The following USP40 variants were observed in gnomAD, a reference collection of about 807,000 sequenced individuals.
The protein encoded by USP40 is ubiquitin carboxyl-terminal hydrolase 40.
In USP40, 143 loss-of-function variants were observed where a neutral mutation model predicts 166.2. The observed-to-expected ratio is 0.86, with a 90% CI of 0.75 to 0.99. USP40 has a LOEUF of 0.99. Among genes scored for constraint, USP40 ranks in the 50% least tolerant of loss-of-function variants. USP40 has a pLI of 0.00. For synonymous variants in USP40, 498 were observed against 524.0 expected (o/e 0.95, Z 0.68); for missense variants, 1,444 against 1,479.7 (o/e 0.98, Z 0.40).
chr2:233,522,126 G>C (rs1575284121), intron 16 of USP40, among the ~76,000 whole-genome samples: 1 of 152,212 alleles, frequency 6.6e-6, no homozygotes, highest in South Asian at 2.1e-4. Context: ...ATTCAAGGCA[G>C]TTTATAAAGA....
At chr2:233,551,256 A>C (rs1267892268) in intron 7 of USP40, 120 bp downstream of exon 7, 29 of 1,133,478 alleles carry the variant, frequency 2.6e-5, no homozygotes, top group Middle Eastern at 3.0e-4. Flanking sequence ...AGTTTAACTG[A>C]AAATGTCAAT....
At chr2:233,512,672 C>T in intron 18 of USP40, 50 bp from the exon 19 acceptor site, 1 of 769,806 alleles carries the variant, frequency 1.3e-6, no homozygotes, top group Non-Finnish European at 1.8e-6. Context: ...GAATTAATAA[C>T]CTTCATCCTA....
chr2:233,566,293 G>A (rs1288710166), intron 1 of USP40, among the ~76,000 whole-genome samples: 1 of 152,174 alleles, frequency 6.6e-6, no homozygotes, highest in African/African-American at 2.4e-5. Flanking sequence ...TTCACATCGA[G>A]TGTGGCGGAG....
chr2:233,490,619 T>G (rs559277647), intron 26 of USP40, among the ~76,000 whole-genome samples: 1 of 152,370 alleles, frequency 6.6e-6, no homozygotes, highest in Non-Finnish European at 1.5e-5. Context: ...AGTAGGCGGA[T>G]GCTGCTTCAA....
intron 24 of USP40, among the ~76,000 whole-genome samples, chr2:233,495,606 T>C (rs2065699909): frequency 6.6e-6 from 1 of 151,984 alleles, no homozygotes; most frequent in South Asian, 2.1e-4. Flanking sequence ...TAACAAAAAA[T>C]GAGGTGGGAA....
At chr2:233,519,466 C>A in intron 18 of USP40, 148 bp downstream of exon 18, 1 of 564,302 alleles carries the variant, frequency 1.8e-6, no homozygotes, top group African/African-American at 1.9e-5. Context: ...CAAAAACAAA[C>A]ATATGACAAA....
chr2:233,540,569 T>G, intron 10 of USP40, 93 bp downstream of exon 10: 1 of 733,938 alleles, frequency 1.4e-6, no homozygotes, highest in Non-Finnish European at 2.2e-6. Flanking sequence ...TTTTCACCTA[T>G]TTTAAATATC....
chr2:233,523,340 G>C lies in USP40; in HGVS notation c.2031C>G (p.Val677=), dbSNP rs780234075. 6.2e-7 allele frequency: 1 copy of C among 1,614,008 alleles called. No individual in the cohort carries two copies. Among genetic ancestry groups the C allele is most frequent in the African/African-American group, 1.3e-5 (1 of 75,036 alleles). The change falls in exon 16 of 32, where the codon GTC becomes GTG. Residue 677 remains valine (V), a synonymous_variant. Transcript: ENST00000678225. The stretch of plus-strand genomic sequence containing the variant: ...CTGCTGGGATTGCTAAGGCTGTGAG[G>C]ACAGTGCCCACTTCTGCATTAGCTG... ...VFPANAEVGT[V]LTALAIPAGV...
intron 18 of USP40, among the ~76,000 whole-genome samples, chr2:233,514,076 C>T (rs2067011695): frequency 6.6e-6 from 1 of 152,224 alleles, no homozygotes; most frequent in Admixed American, 6.5e-5. Context: ...TTTTAAAATA[C>T]TGTCTCTTTA....
chr2:233,527,699 T>A (rs1229144402), intron 12 of USP40, 121 bp from the exon 13 acceptor site: 18 of 895,154 alleles, frequency 2.0e-5, no homozygotes, highest in Non-Finnish European at 2.9e-5. Context: ...TAACAATTTT[T>A]CTTCTATGTG....
chr2:233,478,495 T>C (rs1026772845), intron 31 of USP40, among the ~76,000 whole-genome samples: 17 of 152,238 alleles, frequency 1.1e-4, no homozygotes, highest in Admixed American at 1.0e-3. Context: ...TCATACCCTT[T>C]ACCTACATTT....
rs201372687 is a variant in USP40 at position 233,539,142 on chromosome 2, T to G, written c.1170+1520A>C. Among the ~76,000 whole-genome samples the G allele has an allele frequency of 2.0e-5, 3 of 149,332 alleles. No individual in the cohort carries two copies. The South Asian group carries it at 6.3e-4, about 31-fold the overall frequency. On this transcript the variant is annotated intron_variant, in intron 10 of 31. Transcript: ENST00000678225. ...AGCAAAAACTGTCAAAACTTTTTTTTAAAAAAATGAGACAAATCCACAATT... is the reference window on the plus strand; with the variant it reads ...AGCAAAAACTGTCAAAACTTTTTTTGAAAAAAATGAGACAAATCCACAATT...
chr2:233,510,512 C>T (rs767959484), intron 20 of USP40, among the ~76,000 whole-genome samples: 4 of 144,340 alleles, frequency 2.8e-5, no homozygotes, highest in Admixed American at 7.1e-5. Flanking sequence ...AAGCGATTCT[C>T]CTACCTCAGC....
chr2:233,485,841 G>T lies in USP40; in HGVS notation c.3334C>A (p.Arg1112Ser), dbSNP rs1048603. 6 of 1,609,858 alleles carry T rather than the reference G, an allele frequency of 3.7e-6. No individual in the cohort carries two copies. In the East Asian group the frequency reaches 1.3e-4, roughly 36 times the overall value. ...SLRQRVADFYRLPVEKIEIAK... is the reference protein window; with the variant it reads ...SLRQRVADFYSLPVEKIEIAK... ...ATTTCAATCTTCTCCACGGGAAGACGATAGAAATCGGCAACTCTCTGCCTC... is the reference window on the plus strand; with the variant it reads ...ATTTCAATCTTCTCCACGGGAAGACTATAGAAATCGGCAACTCTCTGCCTC... The change falls in exon 29 of 32, where the codon CGT becomes AGT. Residue 1112 changes from arginine (R) to serine (S), a missense_variant. Transcript: ENST00000678225.
chr2:233,521,273 G>A (rs1393223078), intron 16 of USP40, among the ~76,000 whole-genome samples, 159 bp from the exon 17 acceptor site: 3 of 152,218 alleles, frequency 2.0e-5, no homozygotes, highest in Non-Finnish European at 2.9e-5. Flanking sequence ...ATGTTAGGCA[G>A]TAGTCTATAG....
chr2:233,491,176 C>T lies in USP40; in HGVS notation c.3003G>A (p.Leu1001=), dbSNP rs1214353162. The T allele has an allele frequency of 1.2e-6, 2 of 1,607,688 alleles. No homozygotes were observed. The highest frequency in any genetic ancestry group is 4.5e-5 in the East Asian group (2 of 44,798). Residue 1001 remains leucine (L), a synonymous_variant, in exon 26 of 32, where the codon CTG becomes CTA. Coordinates refer to ENST00000678225, the MANE Select transcript of USP40 (RefSeq NM_001365479.2). ...EISEDATLAE[L]KSQAMTLPPF... is the part of the protein sequence containing the mutation. ...CAGGAAGAAGTCTGACCTGAGACTT[C>T]AGCTCCGCCAGCGTGGCATCTTCTG...
chr2:233,489,420 T>A lies in USP40; in HGVS notation c.3076A>T (p.Thr1026Ser). The change falls in exon 27 of 32, where the codon ACG (threonine) becomes TCG (serine). Residue 1026 changes from threonine to serine, a missense_variant. Transcript: ENST00000678225. ...CTGCCTGGGCGCTTCCTCTCCACCG[T>A]CCAGGCTCTGAGGTGGGCTGGGGAC... ...VPSPAHLRAW[T>S]VERKRPGRLL... 1 of 1,606,668 alleles carries A rather than the reference T, an allele frequency of 6.2e-7. No homozygotes were observed. The highest frequency in any genetic ancestry group is 8.5e-7 in the Non-Finnish European group (1 of 1,176,820).
chr2:233,490,160 C>CTTTT (rs545796570), intron 26 of USP40, among the ~76,000 whole-genome samples: 8 of 131,678 alleles, frequency 6.1e-5, no homozygotes, highest in African/African-American at 8.7e-5. Flanking sequence ...TTCTTTTCTC[C>CTTTT]TTTTTTTTTT....
chr2:233,492,101 C>T (rs1168842776), intron 25 of USP40, among the ~76,000 whole-genome samples: 2 of 152,216 alleles, frequency 1.3e-5, no homozygotes, highest in Non-Finnish European at 2.9e-5. Flanking sequence ...GGTCAAAGAC[C>T]ACACATGTGA....
Sources: gnomAD v4.1 joint callset for allele counts (sites outside exome capture counted in the v4.1 genomes callset) on GRCh38, gnomAD v4.1.1 for gene constraint, MANE v1.5 for transcripts, NCBI Gene and HGNC (gene_info 2026-07-23, HGNC 2026-07-21) for gene names.